Variants in SERGEF observed in about 807,000 individuals in gnomAD.
The protein encoded by SERGEF is secretion regulating guanine nucleotide exchange factor, also known as secretion-regulating guanine nucleotide exchange factor.
A neutral mutation model predicts 50.0 loss-of-function variants in SERGEF; 51 were observed. The observed-to-expected ratio is 1.02, with a 90% CI of 0.81 to 1.29. SERGEF has a LOEUF of 1.29. Ranked by LOEUF, SERGEF falls within the 50% of genes most tolerant of loss-of-function variation. The probability of loss-of-function intolerance (pLI) is 0.00; values close to 1 mark genes in which losing one functional copy is unlikely to be tolerated. For synonymous variants in SERGEF, 205 were observed against 212.4 expected (o/e 0.97, Z 0.30); for missense variants, 521 against 557.0 (o/e 0.94, Z 0.65).
At chr11:17,835,325 T>C (rs1190640128) in intron 10 of SERGEF, among the ~76,000 whole-genome samples, 2 of 152,158 alleles carry the variant, frequency 1.3e-5, no homozygotes, top group Non-Finnish European at 2.9e-5. Flanking sequence ...GGCAGTTGCA[T>C]GGCACAGAGC....
At chr11:17,966,619 C>G (rs1565217632) in intron 8 of SERGEF, among the ~76,000 whole-genome samples, 1 of 152,202 alleles carries the variant, frequency 6.6e-6, no homozygotes, top group Non-Finnish European at 1.5e-5. Flanking sequence ...AAAGACTACT[C>G]ATATAGTTCC....
intron 10 of SERGEF, among the ~76,000 whole-genome samples, chr11:17,798,873 A>G (rs1403876897): frequency 6.6e-6 from 1 of 152,196 alleles, no homozygotes; most frequent in Non-Finnish European, 1.5e-5. Context: ...GGATGAGGAA[A>G]CAGGCTGGGA....
chr11:17,816,399 G>T (rs750156239), intron 10 of SERGEF, among the ~76,000 whole-genome samples: 4 of 152,194 alleles, frequency 2.6e-5, no homozygotes, highest in Non-Finnish European at 5.9e-5. Context: ...GGGCTGCCAA[G>T]ATGAGGTTTG....
At chr11:17,918,659 C>CACATAA (rs1319206710) in intron 9 of SERGEF, 1 of 444,838 alleles carries the variant, frequency 2.2e-6, no homozygotes, top group Non-Finnish European at 4.5e-6. Context: ...CACATACACA[C>CACATAA]ACACTCTCTC....
chr11:17,806,383 A>G (rs1272798800), intron 10 of SERGEF, among the ~76,000 whole-genome samples: 1 of 152,230 alleles, frequency 6.6e-6, no homozygotes, highest in Admixed American at 6.5e-5. Flanking sequence ...ATCAAGAACT[A>G]TGCTGTACTA....
At chr11:17,965,651 A>G (rs1853104743) in intron 8 of SERGEF, among the ~76,000 whole-genome samples, 2 of 152,226 alleles carry the variant, frequency 1.3e-5, no homozygotes, top group Admixed American at 1.3e-4. Context: ...AGCCAGCTCC[A>G]TGACACTGGG....
intron 9 of SERGEF, among the ~76,000 whole-genome samples, chr11:17,938,157 G>T (rs771961482): frequency 1.3e-5 from 2 of 152,166 alleles, no homozygotes; most frequent in Non-Finnish European, 2.9e-5. Flanking sequence ...ACTTCTCTGA[G>T]GACCTAAAGT....
intron 9 of SERGEF, among the ~76,000 whole-genome samples, chr11:17,925,941 T>A (rs1316492162): frequency 1.3e-5 from 2 of 152,200 alleles, no homozygotes; most frequent in East Asian, 3.9e-4. Flanking sequence ...TATAATGCTC[T>A]GCCTGTCTCA....
At chr11:17,903,249 A>G (rs1851779013) in intron 9 of SERGEF, among the ~76,000 whole-genome samples, 1 of 152,132 alleles carries the variant, frequency 6.6e-6, no homozygotes, top group Admixed American at 6.5e-5. Context: ...CTGGACTGTG[A>G]CTCACTGCGG....
At chr11:17,963,474 A>G (rs928990666) in intron 8 of SERGEF, among the ~76,000 whole-genome samples, 4 of 143,798 alleles carry the variant, frequency 2.8e-5, no homozygotes, top group African/African-American at 1.0e-4. Context: ...TGTAACCTCC[A>G]CCTCCTGGAT....
intron 10 of SERGEF, among the ~76,000 whole-genome samples, chr11:17,863,230 C>A (rs1850958158): frequency 6.6e-6 from 1 of 152,188 alleles, no homozygotes; most frequent in Non-Finnish European, 1.5e-5. Context: ...TTGTACTTAA[C>A]TACATCACTT....
At chr11:17,795,800 G>T (rs983523997) in intron 10 of SERGEF, among the ~76,000 whole-genome samples, 2 of 152,214 alleles carry the variant, frequency 1.3e-5, no homozygotes, top group Non-Finnish European at 2.9e-5. Flanking sequence ...CCCATCCACT[G>T]AGGAAGACAG....
intron 9 of SERGEF, among the ~76,000 whole-genome samples, chr11:17,917,412 AG>A: frequency 6.6e-6 from 1 of 151,726 alleles, no homozygotes; most frequent in East Asian, 1.9e-4. Context: ...TCAATGACTC[AG>A]GGGGGAAGGG....
chr11:17,844,671 C>T (rs1850569627), intron 10 of SERGEF, among the ~76,000 whole-genome samples: 2 of 152,150 alleles, frequency 1.3e-5, no homozygotes, highest in Admixed American at 6.5e-5. Context: ...CTCCTGTTGC[C>T]AGCTTCTCTG....
chr11:17,875,701 A>G (rs1851226257), intron 10 of SERGEF, among the ~76,000 whole-genome samples: 1 of 152,184 alleles, frequency 6.6e-6, no homozygotes, highest in Non-Finnish European at 1.5e-5. Flanking sequence ...TAGGTTCTCA[A>G]TCATGTCCTT....
At chr11:18,011,833 C>T (rs983696441) in intron 1 of SERGEF, among the ~76,000 whole-genome samples, 4 of 152,166 alleles carry the variant, frequency 2.6e-5, no homozygotes, top group South Asian at 2.1e-4. Context: ...ACCTCAAAGA[C>T]GCCCAGCCAG....
rs772411871 is a variant in SERGEF at position 17,959,531 on chromosome 11, G to C, written c.950C>G (p.Pro317Arg). 1.2e-6 allele frequency: 2 copies of C among 1,613,840 alleles called. No homozygotes were observed. The highest frequency in any genetic ancestry group is 1.7e-6 in the Non-Finnish European group (2 of 1,179,926). ...CATGCTGTTCGGTGGTCTTGAACAG[G>C]GGAGAAATGAATCTTGCTTTTCTAG... is the stretch of plus-strand genomic sequence containing the variant. ...WKLEKQDSFL[P>R]CSRPPNSMPS... Residue 317 changes from proline (P) to arginine (R), a missense_variant, in exon 9 of 11, where the codon CCC becomes CGC. Coordinates refer to ENST00000265965, the MANE Select transcript of SERGEF (RefSeq NM_012139.4).
chr11:17,903,148 C>A (rs1851777035), intron 9 of SERGEF, among the ~76,000 whole-genome samples: 2 of 152,162 alleles, frequency 1.3e-5, no homozygotes, highest in South Asian at 4.1e-4. Flanking sequence ...CAGAAAGGAC[C>A]AGAAGATTTC....
Position 17,875,262 on chromosome 11 carries a change from T to C in SERGEF, c.1048+2946A>G, listed in dbSNP as rs570405929. 3.3e-5 allele frequency among the ~76,000 whole-genome samples: 5 copies of C among 152,346 alleles called. No homozygotes were observed. The East Asian group carries it at 7.7e-4, about 23-fold the overall frequency. On this transcript the variant is annotated intron_variant, in intron 10 of 10. Coordinates refer to ENST00000265965, the MANE Select transcript of SERGEF (RefSeq NM_012139.4). ...TTTATTGCTGTAACCGTAGGACCAA[T>C]TCAAACCAAGTAATCACTGCTTAAG...
Sources: gnomAD v4.1 joint callset for allele counts (sites outside exome capture counted in the v4.1 genomes callset) on GRCh38, gnomAD v4.1.1 for gene constraint, MANE v1.5 for transcripts, NCBI Gene and HGNC (gene_info 2026-07-23, HGNC 2026-07-21) for gene names.